The following ZFP69B variants were observed in gnomAD, a reference collection of about 807,000 sequenced individuals.
ZFP69B encodes ZFP69 zinc finger protein B, also known as zinc finger protein 69 homolog B.
A neutral mutation model predicts 19.7 loss-of-function variants in ZFP69B; 20 were observed. The ratio of observed to expected loss-of-function variants is 1.02; its 90% confidence interval spans 0.71 to 1.48. The LOEUF (loss-of-function observed/expected upper bound fraction) is 1.48. Ranked by LOEUF, ZFP69B falls within the 40% of genes most tolerant of loss-of-function variation. The probability of loss-of-function intolerance (pLI) is 0.00; values close to 1 mark genes in which losing one functional copy is unlikely to be tolerated. For missense variants in ZFP69B, 583 were observed against 632.6 expected (o/e 0.92, Z 0.84); for synonymous variants, 220 against 222.7 (o/e 0.99, Z 0.11).
intron 4 of ZFP69B, among the ~76,000 whole-genome samples, chr1:40,459,615 T>C (rs540920133): frequency 4.6e-5 from 7 of 152,358 alleles, no homozygotes; most frequent in Non-Finnish European, 8.8e-5. Context: ...TACTCAACTT[T>C]CTAGTTGCAT....
chr1:40,453,670 A>T (rs1645206443), intron 1 of ZFP69B, among the ~76,000 whole-genome samples: 1 of 152,146 alleles, frequency 6.6e-6, no homozygotes, highest in African/African-American at 2.4e-5. Context: ...TAGAGGAGAT[A>T]ATACTTGGAG....
rs1002639741 is a variant in ZFP69B, at chr1:40,450,476, G to A, written c.-486G>A. On this transcript the variant is annotated 5_prime_UTR_variant, in exon 1 of 5. Transcript: ENST00000361584. ...ACTGCCCCAAACAAAGAATTGGGTTGTATTCGTCTCTTTGTGCTTCCTGAC... is the reference window on the plus strand; with the variant it reads ...ACTGCCCCAAACAAAGAATTGGGTTATATTCGTCTCTTTGTGCTTCCTGAC... Among the ~76,000 whole-genome samples, 7 of 152,190 alleles carry A rather than the reference G, an allele frequency of 4.6e-5. No individual in the cohort carries two copies. The highest frequency in any genetic ancestry group is 1.0e-4 in the Non-Finnish European group (7 of 68,018).
At chr1:40,456,689 G>A (rs1456155605) in intron 2 of ZFP69B, among the ~76,000 whole-genome samples, 1 of 152,124 alleles carries the variant, frequency 6.6e-6, no homozygotes, top group Non-Finnish European at 1.5e-5. Flanking sequence ...CAAAATTACT[G>A]TACACTGTAC....
intron 1 of ZFP69B, among the ~76,000 whole-genome samples, chr1:40,451,653 TGG>T (rs371723102): frequency 3.6e-5 from 4 of 111,004 alleles, no homozygotes; most frequent in African/African-American, 1.3e-4. Context: ...GAGAAAGACG[TGG>T]GGGGGGGGGA....
chr1:40,463,508 T>C lies in ZFP69B; in HGVS notation c.1524T>C (p.Cys508=). The change falls in exon 5 of 5, where the codon TGT becomes TGC. Residue 508 remains cysteine, a synonymous_variant. Coordinates refer to ENST00000361584, the MANE Select transcript of ZFP69B (RefSeq NM_023070.3). ...TGEKPYDCNE[C]GKAFSCSSSL... ...AAAAACCTTATGATTGTAATGAGTG[T>C]GGAAAAGCCTTCAGCTGTAGTTCAT... 6.2e-7 allele frequency: 1 copy of C among 1,614,172 alleles called. No homozygotes were observed. Among genetic ancestry groups the C allele is most frequent in the Non-Finnish European group, 8.5e-7 (1 of 1,180,012 alleles).
At chr1:40,460,756 G>A (rs1323223366) in intron 4 of ZFP69B, among the ~76,000 whole-genome samples, 1 of 152,090 alleles carries the variant, frequency 6.6e-6, no homozygotes, top group East Asian at 1.9e-4. Flanking sequence ...GCCGAGGCGG[G>A]CGGATCATAA....
rs1208793786 is a variant in ZFP69B, at chr1:40,450,977, C to G, written c.16C>G (p.Leu6Val). ...GGACGCCGTCATGCTGCAGCAGCTC[C>G]TGATCACCCTGCCCACCGAGGCCAG... is the stretch of plus-strand genomic sequence containing the variant. MLQQL[L>V]ITLPTEASTW... Residue 6 changes from leucine (L) to valine (V), a missense_variant, in exon 1 of 5, where the codon CTG (leucine) becomes GTG (valine). By Grantham distance (32) the Leu-to-Val change is conservative. Transcript: ENST00000361584. The G allele has an allele frequency of 2.6e-6, 4 of 1,549,632 alleles. No homozygotes were observed. Among genetic ancestry groups the G allele is most frequent in the Non-Finnish European group, 3.5e-6 (4 of 1,146,192 alleles).
At position 40,463,378 on chromosome 1, in the gene ZFP69B, A is replaced by C; in HGVS notation, c.1394A>C (p.His465Pro). Residue 465 changes from histidine to proline, a missense_variant, in exon 5 of 5, where the codon CAT becomes CCT. By Grantham distance (77) the His-to-Pro change is moderately conservative. Transcript: ENST00000361584. ...AFSQRIHLSI[H>P]QRVHTGVKPY... is the part of the protein sequence containing the mutation. ...AGCCAGAGAATACATCTTTCTATCC[A>C]TCAGAGAGTCCATACTGGAGTAAAA... 1 of 1,614,092 alleles carries C rather than the reference A, an allele frequency of 6.2e-7. No homozygotes were observed.
At position 40,451,055 on chromosome 1, in the gene ZFP69B, T is replaced by G; in HGVS notation, c.94T>G (p.Trp32Gly). The change falls in exon 1 of 5, where the codon TGG becomes GGG. Residue 32 changes from tryptophan to glycine, a missense_variant. Coordinates refer to ENST00000361584, the MANE Select transcript of ZFP69B (RefSeq NM_023070.3). ...PKAATERVAL[W>G]EDVTKMFKAE... ...GGCGGCCACGGAGCGGGTGGCCCTG[T>G]GGGAGGATGTGACTAAGATGTTTAA... The G allele has an allele frequency of 6.5e-7, 1 of 1,547,918 alleles. No individual in the cohort carries two copies.
chr1:40,454,346 G>A (rs1645213439), intron 2 of ZFP69B, 58 bp downstream of exon 2: 2 of 1,294,606 alleles, frequency 1.5e-6, no homozygotes, highest in African/African-American at 1.5e-5. Flanking sequence ...TAAGAGCGCA[G>A]GAGTTTGATT....
chr1:40,461,332 C>T (rs1367170240), intron 4 of ZFP69B, among the ~76,000 whole-genome samples: 1 of 152,046 alleles, frequency 6.6e-6, no homozygotes, highest in Non-Finnish European at 1.5e-5. Flanking sequence ...GGAATTTTAT[C>T]CCAGTTAGGG....
chr1:40,453,694 G>A (rs1424692571), intron 1 of ZFP69B, among the ~76,000 whole-genome samples: 1 of 152,114 alleles, frequency 6.6e-6, no homozygotes, highest in Non-Finnish European at 1.5e-5. Context: ...CCATGGACTG[G>A]TTGTGGAGGA....
At position 40,450,752 on chromosome 1, in the gene ZFP69B, G is replaced by A. The variant is rs1405873110; in HGVS notation, c.-210G>A. On this transcript the variant is annotated 5_prime_UTR_variant, in exon 1 of 5. Transcript: ENST00000361584. ...AGTTGGGAGATACGCCCTGAGAGCC[G>A]ATGATAGACACAAGTCCAGATCTCG... 3 of 390,900 alleles carry A rather than the reference G, an allele frequency of 7.7e-6. No homozygotes were observed. Among genetic ancestry groups the A allele is most frequent in the Non-Finnish European group, 8.5e-6 (2 of 236,516 alleles). The allele number at this position is 390,900 out of a possible 1,614,324, so 24.2% of individuals were successfully genotyped here. A position where few individuals can be genotyped will look rare whatever the true frequency, so the allele number is the denominator to read the frequency against.
chr1:40,457,819 G>A (rs988704904), intron 4 of ZFP69B, among the ~76,000 whole-genome samples: 1 of 151,962 alleles, frequency 6.6e-6, no homozygotes, highest in Non-Finnish European at 1.5e-5. Context: ...TTTTACCATC[G>A]GTTTCACTGT....
At position 40,457,018 on chromosome 1, in the gene ZFP69B, G is replaced by A. The variant is rs1464294120; in HGVS notation, c.287G>A (p.Arg96Gln). 2.3e-5 allele frequency: 37 copies of A among 1,613,592 alleles called. No homozygotes were observed. Among genetic ancestry groups the A allele is most frequent in the Non-Finnish European group, 3.1e-5 (36 of 1,179,772 alleles). Residue 96 changes from arginine to glutamine, a missense_variant, in exon 3 of 5, where the codon CGG becomes CAG. Physicochemically the swap from Arg to Gln is conservative, Grantham distance 43. Transcript: ENST00000361584. Reference protein sequence around the residue: ...EEWGQLAPAHRNLYREVMLEN... With the variant: ...EEWGQLAPAHQNLYREVMLEN... ...TGGGGGCAGCTGGCCCCTGCTCACC[G>A]GAATCTGTACCGGGAGGTGATGCTG...
chr1:40,452,592 G>A lies in ZFP69B; in HGVS notation c.127+1504G>A, dbSNP rs535267900. ...TATTCTAGAGTAAAAGAGACTAGAG[G>A]TAACAACCACTTTGAATGTGTGAGC... is the stretch of plus-strand genomic sequence containing the variant. On this transcript the variant is annotated intron_variant, in intron 1 of 4. Coordinates refer to ENST00000361584, the MANE Select transcript of ZFP69B (RefSeq NM_023070.3). Among the ~76,000 whole-genome samples, 5 of 152,314 alleles carry A rather than the reference G, an allele frequency of 3.3e-5. No homozygotes were observed. The South Asian group carries it at 6.2e-4, about 19-fold the overall frequency.
intron 1 of ZFP69B, 29 bp downstream of exon 1, chr1:40,451,117 G>A: frequency 6.7e-7 from 1 of 1,496,878 alleles, no homozygotes; most frequent in South Asian, 1.3e-5. Context: ...GTGGGAGGGA[G>A]GAAAAGCAGT....
intron 1 of ZFP69B, among the ~76,000 whole-genome samples, chr1:40,453,034 T>C (rs889000569): frequency 7.9e-5 from 12 of 151,640 alleles, no homozygotes; most frequent in East Asian, 5.9e-4. Flanking sequence ...GATCTTGGCT[T>C]ATTGCAACCT....
intron 1 of ZFP69B, among the ~76,000 whole-genome samples, chr1:40,451,538 T>A (rs1645186218): frequency 6.6e-6 from 1 of 151,406 alleles, no homozygotes; most frequent in African/African-American, 2.4e-5. Flanking sequence ...GAGGCCAGGT[T>A]TAAGGGTCTC....
Sources: allele counts gnomAD v4.1 joint callset (sites outside exome capture counted in the v4.1 genomes callset), GRCh38; gene constraint gnomAD v4.1.1; transcripts MANE v1.5; gene names NCBI Gene and HGNC (gene_info 2026-07-23, HGNC 2026-07-21).